The following EYA1 variants were observed in gnomAD, a reference collection of about 807,000 sequenced individuals.
EYA1 encodes the protein EYA transcriptional coactivator and phosphatase 1, also known as protein phosphatase EYA1.
A neutral mutation model predicts 82.0 loss-of-function variants in EYA1; 16 were observed. The ratio of observed to expected loss-of-function variants is 0.20; its 90% CI spans 0.13 to 0.30. The LOEUF (loss-of-function observed/expected upper bound fraction) is 0.30, where lower values mean the gene tolerates loss of function less well. EYA1 is among the 10% of genes least tolerant of loss of function. The pLI is 1.00. For missense variants in EYA1, 633 were observed against 730.7 expected (o/e 0.87, Z 1.54); for synonymous variants, 261 against 264.4 (o/e 0.99, Z 0.12).
intron 2 of EYA1, among the ~76,000 whole-genome samples, chr8:71,384,875 A>G (rs1395764459): frequency 6.6e-6 from 1 of 152,212 alleles, no homozygotes; most frequent in Non-Finnish European, 1.5e-5. Context: ...GCTTTCTACT[A>G]CTAGATTGTA....
At chr8:71,281,412 G>A (rs1235864069) in intron 9 of EYA1, among the ~76,000 whole-genome samples, 1 of 152,086 alleles carries the variant, frequency 6.6e-6, no homozygotes, top group East Asian at 1.9e-4. Flanking sequence ...TGAACATTTT[G>A]CTCCTAAAAG....
chr8:71,423,782 G>A (rs1831273592), intron 2 of EYA1, among the ~76,000 whole-genome samples: 1 of 152,080 alleles, frequency 6.6e-6, no homozygotes, highest in Non-Finnish European at 1.5e-5. Flanking sequence ...GCAAACTACA[G>A]AAGACTCTTG....
intron 2 of EYA1, among the ~76,000 whole-genome samples, chr8:71,441,309 C>T (rs1806420326): frequency 6.6e-6 from 1 of 152,148 alleles, no homozygotes; most frequent in South Asian, 2.1e-4. Context: ...ACTCAGGAGG[C>T]TGAGGTGGGA....
intron 9 of EYA1, among the ~76,000 whole-genome samples, chr8:71,277,383 C>G (rs1305671859): frequency 6.6e-6 from 1 of 151,936 alleles, no homozygotes; most frequent in East Asian, 1.9e-4. Context: ...AATTCCTGGC[C>G]TCAAAGAGTC....
intron 12 of EYA1, among the ~76,000 whole-genome samples, chr8:71,233,432 T>C (rs187770546): frequency 0.022 from 3,306 of 151,950 alleles, 89 homozygotes; most frequent in African/African-American, 0.071. Context: ...GGCGTGGTGG[T>C]GGGCGCCTGT....
At chr8:71,518,900 C>A (rs894939107) in intron 2 of EYA1, among the ~76,000 whole-genome samples, 1 of 152,018 alleles carries the variant, frequency 6.6e-6, no homozygotes, top group Non-Finnish European at 1.5e-5. Context: ...CTACTAATAT[C>A]CAGAACTTTT....
chr8:71,234,163 C>T (rs1427042875), intron 12 of EYA1, among the ~76,000 whole-genome samples: 1 of 152,168 alleles, frequency 6.6e-6, no homozygotes, highest in Non-Finnish European at 1.5e-5. Context: ...TCTTGCTATC[C>T]AAGGACTTCT....
intron 12 of EYA1, among the ~76,000 whole-genome samples, chr8:71,240,028 AAC>A (rs1175562566): frequency 6.6e-6 from 1 of 152,222 alleles, no homozygotes. Context: ...AAACATAAAT[AAC>A]ACATATTAAA....
At chr8:71,213,331 G>T (rs2128843030) in intron 16 of EYA1, among the ~76,000 whole-genome samples, 1 of 152,204 alleles carries the variant, frequency 6.6e-6, no homozygotes, top group Non-Finnish European at 1.5e-5. Context: ...GAGAACCTAA[G>T]CTCTACCCGC....
chr8:71,210,362 G>A (rs1271329957), intron 17 of EYA1, among the ~76,000 whole-genome samples: 1 of 152,230 alleles, frequency 6.6e-6, no homozygotes, highest in Non-Finnish European at 1.5e-5. Flanking sequence ...GGAAGGAAAA[G>A]CTGTGGGGCA....
At chr8:71,460,637 A>T (rs908527066) in intron 2 of EYA1, among the ~76,000 whole-genome samples, 2 of 152,224 alleles carry the variant, frequency 1.3e-5, no homozygotes, top group Admixed American at 6.5e-5. Context: ...CAATGCGAAG[A>T]CAGGACTTAA....
At chr8:71,494,408 A>C (rs1243508418) in intron 2 of EYA1, among the ~76,000 whole-genome samples, 3 of 152,212 alleles carry the variant, frequency 2.0e-5, no homozygotes, top group Non-Finnish European at 4.4e-5. Flanking sequence ...CAGTTTCAAC[A>C]ATGTAACAAT....
chr8:71,360,310 A>G (rs1279575008), intron 1 of EYA1, among the ~76,000 whole-genome samples: 1 of 152,242 alleles, frequency 6.6e-6, no homozygotes, highest in Non-Finnish European at 1.5e-5. Context: ...TGAATGAAAT[A>G]CTTTTGATAT....
chr8:71,233,644 G>A (rs1384246434), intron 12 of EYA1, among the ~76,000 whole-genome samples: 1 of 151,670 alleles, frequency 6.6e-6, no homozygotes, highest in Non-Finnish European at 1.5e-5. Context: ...CCCCAAACTG[G>A]AACCACGCTG....
intron 7 of EYA1, among the ~76,000 whole-genome samples, chr8:71,315,744 G>T (rs1431042776): frequency 6.6e-6 from 1 of 152,160 alleles, no homozygotes; most frequent in Non-Finnish European, 1.5e-5. Flanking sequence ...TATTCAGCAT[G>T]TGCAGAACAG....
chr8:71,333,020 G>C (rs1310788510), intron 4 of EYA1, among the ~76,000 whole-genome samples: 1 of 152,092 alleles, frequency 6.6e-6, no homozygotes, highest in African/African-American at 2.4e-5. Flanking sequence ...TGTTCTTTGG[G>C]CTCTCTGGGC....
At chr8:71,522,152 T>G (rs554841431) in intron 2 of EYA1, among the ~76,000 whole-genome samples, 13 of 152,316 alleles carry the variant, frequency 8.5e-5, no homozygotes, top group African/African-American at 3.1e-4. Flanking sequence ...TTCATTAAAA[T>G]TATATGCTAA....
chr8:71,236,973 T>A (rs972202011), intron 12 of EYA1, among the ~76,000 whole-genome samples: 1 of 152,218 alleles, frequency 6.6e-6, no homozygotes, highest in Admixed American at 6.5e-5. Context: ...CAAGTTTTCA[T>A]CTTACTGCAT....
rs9298167 is a variant in EYA1, at chr8:71,277,115, ATTTTTTTTTT to A, written c.827-5228_827-5219del. 1.7e-4 allele frequency among the ~76,000 whole-genome samples: 13 copies of A among 76,940 alleles called. No individual in the cohort carries two copies. The East Asian group carries it at 4.2e-3, about 25-fold the overall frequency. 50.5% of individuals were successfully genotyped at this position (76,940 alleles called of 152,430 possible). ...GCCATGCTATTTCATGGCTTCACAC[ATTTTTTTTTT>A]TTTTTTTTTTTTTTTTTTTTTTTAG... On this transcript the variant is annotated intron_variant, in intron 9 of 17. Transcript: ENST00000340726.
Sources: gnomAD v4.1 joint callset for allele counts (sites outside exome capture counted in the v4.1 genomes callset) on GRCh38, gnomAD v4.1.1 for gene constraint, MANE v1.5 for transcripts, NCBI Gene and HGNC (gene_info 2026-07-23, HGNC 2026-07-21) for gene names.